The following PDE4D variants were observed in gnomAD, a reference collection of about 807,000 sequenced individuals.
PDE4D encodes the protein 3',5'-cyclic-AMP phosphodiesterase 4D.
A neutral mutation model predicts 87.4 loss-of-function variants in PDE4D; 24 were observed. The ratio of observed to expected loss-of-function variants is 0.27; its 90% CI spans 0.20 to 0.39. The LOEUF (loss-of-function observed/expected upper bound fraction) is 0.39, where lower values mean the gene tolerates loss of function less well. Among genes scored for constraint, PDE4D ranks in the 10% least tolerant of loss-of-function variants. The pLI, the probability that PDE4D is intolerant of heterozygous loss-of-function variation, is 1.00. For synonymous variants in PDE4D, 384 were observed against 383.2 expected (o/e 1.00, Z -0.02); for missense variants, 714 against 1,041.0 (o/e 0.69, Z 4.32).
At chr5:59,054,577 T>A (rs545309837) in intron 5 of PDE4D, among the ~76,000 whole-genome samples, 18 of 151,764 alleles carry the variant, frequency 1.2e-4, no homozygotes, top group Non-Finnish European at 2.4e-4. Flanking sequence ...CATTTCAGTA[T>A]AAATTAAACC....
intron 5 of PDE4D, among the ~76,000 whole-genome samples, chr5:59,108,810 A>T (rs1772062489): frequency 1.3e-5 from 2 of 151,604 alleles, no homozygotes; most frequent in Admixed American, 1.3e-4. Flanking sequence ...AGTCTGAGGC[A>T]GGAGAATCAC....
intron 1 of PDE4D, among the ~76,000 whole-genome samples, chr5:59,612,667 G>C (rs1403513742): frequency 6.6e-6 from 1 of 152,116 alleles, no homozygotes; most frequent in African/African-American, 2.4e-5. Flanking sequence ...GGAATGCCAG[G>C]AACAGGCATG....
chr5:59,671,747 G>A (rs531701706), intron 1 of PDE4D, among the ~76,000 whole-genome samples: 71 of 151,176 alleles, frequency 4.7e-4, no homozygotes, highest in African/African-American at 1.7e-3. Flanking sequence ...AGTAGAGGCT[G>A]CAGGAGCCAT....
At chr5:60,425,068 T>C (rs1035834525) in intron 1 of PDE4D, among the ~76,000 whole-genome samples, 9 of 152,194 alleles carry the variant, frequency 5.9e-5, no homozygotes, top group African/African-American at 1.9e-4. Context: ...TCCATGCTTA[T>C]GGATGGGAAG....
At chr5:59,550,996 G>A (rs1017990947) in intron 1 of PDE4D, among the ~76,000 whole-genome samples, 4 of 151,964 alleles carry the variant, frequency 2.6e-5, no homozygotes, top group East Asian at 1.9e-4. Context: ...CCACCTGGAC[G>A]ATTTCTAAGG....
chr5:59,231,165 T>G (rs1456845251), intron 1 of PDE4D, among the ~76,000 whole-genome samples: 1 of 152,156 alleles, frequency 6.6e-6, no homozygotes, highest in African/African-American at 2.4e-5. Context: ...AACAATGATT[T>G]TATAGAGTGA....
At chr5:59,755,614 A>G (rs529600555) in intron 1 of PDE4D, among the ~76,000 whole-genome samples, 1 of 152,244 alleles carries the variant, frequency 6.6e-6, no homozygotes, top group East Asian at 1.9e-4. Context: ...TGCAATTCAT[A>G]TATATTTTAG....
chr5:58,979,759 G>A (rs766308889), intron 11 of PDE4D, among the ~76,000 whole-genome samples: 2 of 152,134 alleles, frequency 1.3e-5, no homozygotes, highest in African/African-American at 2.4e-5. Context: ...ACTTTCTCCT[G>A]TAAACTTCTA....
intron 1 of PDE4D, among the ~76,000 whole-genome samples, chr5:60,304,651 CAA>C (rs70975379): frequency 0.24 from 14,064 of 58,794 alleles, 375 homozygotes; most frequent in East Asian, 0.4. Flanking sequence ...GACTCCGTCT[CAA>C]AAAAAAAAAA....
chr5:59,309,608 G>A (rs1461078273), intron 1 of PDE4D, among the ~76,000 whole-genome samples: 1 of 152,144 alleles, frequency 6.6e-6, no homozygotes, highest in African/African-American at 2.4e-5. Context: ...ACAGTATTTG[G>A]GGTGTTTCCC....
intron 5 of PDE4D, among the ~76,000 whole-genome samples, chr5:59,176,400 A>G (rs1028722311): frequency 2.0e-5 from 3 of 152,046 alleles, no homozygotes; most frequent in African/African-American, 7.2e-5. Context: ...TAAAAACACA[A>G]AAAGTTAGCC....
rs993440727 is a variant in PDE4D at position 60,388,859 on chromosome 5, G to A, written c.-90+99083C>T. ...AGTATCTATATCATAACACCACAGC[G>A]ACCTAATTAAGTAATCCATTATCAA... On this transcript the variant is annotated intron_variant, in intron 1 of 16. Transcript: ENST00000502484. 8.5e-5 allele frequency among the ~76,000 whole-genome samples: 13 copies of A among 152,246 alleles called. No individual in the cohort carries two copies. In the South Asian group the frequency reaches 1.0e-3, roughly 12 times the overall value.
intron 2 of PDE4D, among the ~76,000 whole-genome samples, chr5:60,156,265 C>T (rs1781969554): frequency 6.6e-6 from 1 of 152,156 alleles, no homozygotes; most frequent in South Asian, 2.1e-4. Flanking sequence ...TTAGTCTGTG[C>T]CCAAGCTCAC....
At chr5:59,440,316 C>T (rs1797413854) in intron 1 of PDE4D, among the ~76,000 whole-genome samples, 1 of 152,162 alleles carries the variant, frequency 6.6e-6, no homozygotes, top group Non-Finnish European at 1.5e-5. Context: ...TTACTAACTA[C>T]CTTAATTATT....
chr5:59,039,606 C>T (rs984310439), intron 5 of PDE4D: 5 of 720,632 alleles, frequency 6.9e-6, no homozygotes, highest in Non-Finnish European at 8.5e-6. Flanking sequence ...ACGCCCCTCT[C>T]GGCCCTCGGC....
intron 1 of PDE4D, among the ~76,000 whole-genome samples, chr5:60,404,557 A>G (rs1172734413): frequency 6.6e-6 from 1 of 152,318 alleles, no homozygotes; most frequent in East Asian, 1.9e-4. Flanking sequence ...GCTACTAGCC[A>G]CATGTGGCTA....
intron 1 of PDE4D, among the ~76,000 whole-genome samples, chr5:59,519,384 T>C (rs1435942037): frequency 1.3e-5 from 2 of 152,216 alleles, no homozygotes; most frequent in Admixed American, 1.3e-4. Flanking sequence ...AAAGGATTAC[T>C]GCTAAAGTAA....
chr5:59,025,366 T>C (rs13362296), intron 6 of PDE4D, among the ~76,000 whole-genome samples: 15,980 of 152,230 alleles, frequency 0.1, 1,311 homozygotes, highest in East Asian at 0.47. Flanking sequence ...TTATAAAACT[T>C]GGAGTTGATG....
At chr5:59,185,124 A>G in intron 4 of PDE4D, 65 bp downstream of exon 4, 1 of 1,280,294 alleles carries the variant, frequency 7.8e-7, no homozygotes, top group Non-Finnish European at 1.1e-6. Context: ...CCTTGGGCTC[A>G]ATCAAGTTGA....
Sources: gnomAD v4.1 joint callset for allele counts (sites outside exome capture counted in the v4.1 genomes callset) on GRCh38, gnomAD v4.1.1 for gene constraint, MANE v1.5 for transcripts, NCBI Gene and HGNC (gene_info 2026-07-23, HGNC 2026-07-21) for gene names.